The following ATE1 variants were observed in gnomAD, a reference collection of about 807,000 sequenced individuals.
ATE1 encodes the protein arginyl-tRNA--protein transferase 1.
Under a neutral mutation model 70.5 loss-of-function variants are expected in ATE1, and 36 were observed. The observed-to-expected ratio is 0.51, with a 90% confidence interval of 0.39 to 0.67. The LOEUF is 0.67. Among genes scored for constraint, ATE1 ranks in the 30% least tolerant of loss-of-function variants. The pLI is 0.00. For missense variants in ATE1, 593 were observed against 629.5 expected (o/e 0.94, Z 0.62); for synonymous variants, 232 against 219.3 (o/e 1.06, Z -0.51).
chr10:121,926,879 T>C lies in ATE1; in HGVS notation c.106+965A>G. 9 of 975,920 alleles carry C rather than the reference T, an allele frequency of 9.2e-6. No individual in the cohort carries two copies. In the South Asian group the frequency reaches 2.8e-4, roughly 31 times the overall value. 60.5% of individuals were successfully genotyped at this position (975,920 alleles called of 1,614,324 possible). A position where few individuals can be genotyped will look rare whatever the true frequency, so the allele number is the denominator to read the frequency against. On this transcript the variant is annotated intron_variant, in intron 1 of 11. Transcript: ENST00000224652. The stretch of plus-strand genomic sequence containing the variant: ...ATTTAGTCTTCATAATCCTCACTTC[T>C]AACGATTGCATAACTGTCTACTCAA...
rs1253758609 is a variant in ATE1 at position 121,743,153 on chromosome 10, A to AT, written c.*526dup. On this transcript the variant is annotated 3_prime_UTR_variant, in exon 12 of 12. Coordinates refer to ENST00000224652, the MANE Select transcript of ATE1 (RefSeq NM_001001976.3). ...TTTTTCAAGTTCTCTATTAAACTAC[A>AT]TAACATTTGGCAGCAATTTCACATT... is the stretch of plus-strand genomic sequence containing the variant. The AT allele has an allele frequency of 6.6e-6, 1 of 152,592 alleles. No individual in the cohort carries two copies. 9.5% of individuals were successfully genotyped at this position (152,592 alleles called of 1,614,324 possible).
intron 5 of ATE1, among the ~76,000 whole-genome samples, chr10:121,907,694 G>A (rs955408365): frequency 2.0e-5 from 3 of 151,914 alleles, no homozygotes; most frequent in Non-Finnish European, 4.4e-5. Flanking sequence ...GCGTGAACCC[G>A]GGAGGTAGAG....
intron 3 of ATE1, among the ~76,000 whole-genome samples, chr10:121,917,840 A>G (rs1361151269): frequency 6.6e-6 from 1 of 152,170 alleles, no homozygotes; most frequent in African/African-American, 2.4e-5. Context: ...TGGAATTCTG[A>G]TAAAAATAAA....
intron 4 of ATE1, among the ~76,000 whole-genome samples, chr10:121,912,015 G>A (rs1951457520): frequency 6.6e-6 from 1 of 151,984 alleles, no homozygotes; most frequent in Admixed American, 6.6e-5. Context: ...CAAAGTGCTG[G>A]GATTACAGGC....
At chr10:121,823,293 A>C (rs1404631524) in intron 10 of ATE1, among the ~76,000 whole-genome samples, 3 of 152,284 alleles carry the variant, frequency 2.0e-5, no homozygotes, top group Non-Finnish European at 2.9e-5. Flanking sequence ...TCCTCTCAAA[A>C]AAAAACAAAA....
In ATE1 at chr10:121,924,294, G is replaced by C. The variant is rs1951994210; in HGVS notation, c.142C>G (p.Gln48Glu). The change falls in exon 2 of 12, where the codon CAG (glutamine) becomes GAG (glutamate). Residue 48 changes from glutamine to glutamate, a missense_variant. By Grantham distance (29) the Gln-to-Glu change is conservative. Transcript: ENST00000224652. ...CGCCATCCTCGGTCTATGAGATCCT[G>C]ATAATCCTGTACTGTCATGGAATGT... ...WAHSMTVQDYQDLIDRGWRRS... is the reference protein window; with the variant it reads ...WAHSMTVQDYEDLIDRGWRRS... 6.2e-7 allele frequency: 1 copy of C among 1,614,124 alleles called. No homozygotes were observed. The highest frequency in any genetic ancestry group is 2.2e-5 in the East Asian group (1 of 44,874).
intron 10 of ATE1, among the ~76,000 whole-genome samples, chr10:121,808,107 A>G (rs1947173500): frequency 6.6e-6 from 1 of 152,190 alleles, no homozygotes; most frequent in South Asian, 2.1e-4. Flanking sequence ...CACATCTGTA[A>G]ACCTTTCTAC....
intron 7 of ATE1, among the ~76,000 whole-genome samples, chr10:121,879,566 T>C (rs531694887): frequency 1.3e-5 from 2 of 152,366 alleles, no homozygotes; most frequent in South Asian, 4.1e-4. Context: ...AATGTCTACA[T>C]GCATTCAACT....
intron 7 of ATE1, among the ~76,000 whole-genome samples, chr10:121,897,973 GC>G (rs2134271360): frequency 6.6e-6 from 1 of 152,210 alleles, no homozygotes; most frequent in South Asian, 2.1e-4. Flanking sequence ...GGAACATGCA[GC>G]ATTAACTCCT....
At position 121,836,941 on chromosome 10, in the gene ATE1, A is replaced by G. The variant is rs141926074; in HGVS notation, c.1158-124T>C. ...ATTAAGCTATCAAAAAATTACAAATATTGAAAGAAAAACTACTTTTAAAAC... is the reference window on the plus strand; with the variant it reads ...ATTAAGCTATCAAAAAATTACAAATGTTGAAAGAAAAACTACTTTTAAAAC... On this transcript the variant is annotated intron_variant, in intron 9 of 11. Coordinates refer to ENST00000224652, the MANE Select transcript of ATE1 (RefSeq NM_001001976.3). 3,043 of 625,738 alleles carry G rather than the reference A, an allele frequency of 4.9e-3. 67 individuals carry two copies. The African/African-American group carries it at 0.05, about 10-fold the overall frequency. The allele number at this position is 625,738 out of a possible 1,614,324, so 38.8% of individuals were successfully genotyped here. A position where few individuals can be genotyped will look rare whatever the true frequency, so the allele number is the denominator to read the frequency against.
intron 7 of ATE1, among the ~76,000 whole-genome samples, chr10:121,889,068 C>G (rs993612795): frequency 7.9e-5 from 12 of 152,022 alleles, no homozygotes; most frequent in African/African-American, 2.7e-4. Flanking sequence ...GTCTGGAGTT[C>G]AGTGGCACCA....
intron 8 of ATE1, 44 bp from the exon 9 acceptor site, chr10:121,841,307 A>T: frequency 8.1e-7 from 1 of 1,236,846 alleles, no homozygotes; most frequent in Non-Finnish European, 1.0e-6. Flanking sequence ...TTTAATATTA[A>T]AATAATCTTA....
At chr10:121,817,036 AAC>A in intron 10 of ATE1, among the ~76,000 whole-genome samples, 1 of 152,284 alleles carries the variant, frequency 6.6e-6, no homozygotes, top group Non-Finnish European at 1.5e-5. Context: ...TTTAAAAAGA[AAC>A]ACTCTTTTTA....
chr10:121,748,147 G>A (rs1043438902), intron 11 of ATE1, among the ~76,000 whole-genome samples: 1 of 152,170 alleles, frequency 6.6e-6, no homozygotes, highest in Non-Finnish European at 1.5e-5. Flanking sequence ...ATGCTTAACA[G>A]TTTAAACCTT....
At chr10:121,807,551 TGGA>T (rs956886347) in intron 10 of ATE1, among the ~76,000 whole-genome samples, 32 of 152,222 alleles carry the variant, frequency 2.1e-4, no homozygotes, top group African/African-American at 7.5e-4. Context: ...TCTTTGTGAT[TGGA>T]GGAGAATGGC....
At position 121,743,455 on chromosome 10, in the gene ATE1, C is replaced by G; in HGVS notation, c.*225G>C. On this transcript the variant is annotated 3_prime_UTR_variant, in exon 12 of 12. Transcript: ENST00000224652. ...GAAAGAATCCTCCAAAATGATAAATCCCAATTATGGGGGCTAGGTCATAAT... is the reference window on the plus strand; with the variant it reads ...GAAAGAATCCTCCAAAATGATAAATGCCAATTATGGGGGCTAGGTCATAAT... 1.2e-6 allele frequency: 1 copy of G among 825,456 alleles called. No homozygotes were observed. The highest frequency in any genetic ancestry group is 1.6e-6 in the Non-Finnish European group (1 of 627,462). The allele number at this position is 825,456 out of a possible 1,614,324, so 51.1% of individuals were successfully genotyped here.
At position 121,821,572 on chromosome 10, in the gene ATE1, CA is replaced by C. The variant is rs534704720; in HGVS notation, c.1257+15145del. Among the ~76,000 whole-genome samples the C allele has an allele frequency of 4.2e-3, 637 of 152,238 alleles. 3 individuals are homozygous for C. The highest frequency in any genetic ancestry group is 0.015 in the African/African-American group (611 of 41,540). ...GGTGCTCAACATTGACAATCAACTA[CA>C]AAATGCAAATTAAAACCACAACTCA... On this transcript the variant is annotated intron_variant, in intron 10 of 11. Transcript: ENST00000224652.
intron 7 of ATE1, among the ~76,000 whole-genome samples, chr10:121,875,229 T>C (rs1339601455): frequency 1.3e-5 from 2 of 151,194 alleles, no homozygotes; most frequent in African/African-American, 2.4e-5. Flanking sequence ...ATCTCCTTTT[T>C]TGCCTGAGGA....
At chr10:121,770,232 A>AC (rs1288848220) in intron 11 of ATE1, among the ~76,000 whole-genome samples, 1 of 117,548 alleles carries the variant, frequency 8.5e-6, no homozygotes, top group African/African-American at 3.5e-5. Context: ...GACAAGAGAG[A>AC]AACACACACA....
Sources: allele counts gnomAD v4.1 joint callset (sites outside exome capture counted in the v4.1 genomes callset), GRCh38; gene constraint gnomAD v4.1.1; transcripts MANE v1.5; gene names NCBI Gene and HGNC (gene_info 2026-07-23, HGNC 2026-07-21).